Variants in MTUS1 observed in about 807,000 individuals in gnomAD.
MTUS1 encodes microtubule associated scaffold protein 1.
Under a neutral mutation model 120.8 loss-of-function variants are expected in MTUS1, and 109 were observed. The ratio of observed to expected loss-of-function variants is 0.90; its 90% confidence interval spans 0.77 to 1.06. The LOEUF (loss-of-function observed/expected upper bound fraction) is 1.06, where lower values mean the gene tolerates loss of function less well. MTUS1 is among the 50% of genes least tolerant of loss of function. The probability of loss-of-function intolerance (pLI) is 0.00; values close to 1 mark genes in which losing one functional copy is unlikely to be tolerated. For missense variants in MTUS1, 2,210 were observed against 1,486.3 expected, an observed-to-expected ratio of 1.49 and a Z score of -8.01; for synonymous variants, 737 against 550.5, an observed-to-expected ratio of 1.34 and a Z score of -4.74.
chr8:17,714,589 T>C (rs1821948817), intron 5 of MTUS1, among the ~76,000 whole-genome samples: 1 of 152,136 alleles, frequency 6.6e-6, no homozygotes, highest in African/African-American at 2.4e-5. Context: ...AGAATAGCCA[T>C]TTAAAGTGAA....
At chr8:17,689,082 C>A (rs556989174) in intron 6 of MTUS1, among the ~76,000 whole-genome samples, 2 of 152,150 alleles carry the variant, frequency 1.3e-5, no homozygotes, top group South Asian at 4.1e-4. Flanking sequence ...GTGGTGGCAC[C>A]TGCCTGTACT....
intron 1 of MTUS1, among the ~76,000 whole-genome samples, chr8:17,790,812 C>G (rs1488635788): frequency 2.6e-5 from 4 of 152,126 alleles, no homozygotes; most frequent in Admixed American, 2.6e-4. Flanking sequence ...CATGGTGAAA[C>G]TCCATCTCTA....
At chr8:17,658,567 G>A (rs534112221) in intron 8 of MTUS1, among the ~76,000 whole-genome samples, 1 of 152,298 alleles carries the variant, frequency 6.6e-6, no homozygotes, top group South Asian at 2.1e-4. Context: ...TACACATGCT[G>A]TCCACATCCC....
At chr8:17,767,554 C>G (rs770642334) in intron 1 of MTUS1, among the ~76,000 whole-genome samples, 15 of 151,106 alleles carry the variant, frequency 9.9e-5, no homozygotes, top group East Asian at 5.9e-4. Flanking sequence ...AAAAATCAAC[C>G]AGGCATGGGG....
Position 17,719,381 on chromosome 8 carries a change from T to C in MTUS1, c.2450-3480A>G, listed in dbSNP as rs552279798. On this transcript the variant is annotated intron_variant, in intron 4 of 14. Coordinates refer to ENST00000693296, the MANE Select transcript of MTUS1 (RefSeq NM_001363059.2). ...CTGCCCACTTGGCTTAAAATCAAAG[T>C]ACTACTGAAATCTAAACTTTTGAAT... Among the ~76,000 whole-genome samples, 4 of 152,332 alleles carry C rather than the reference T, an allele frequency of 2.6e-5. No individual in the cohort carries two copies. In the South Asian group the frequency reaches 6.2e-4, roughly 24 times the overall value.
At chr8:17,672,171 T>G (rs750965473) in intron 8 of MTUS1, among the ~76,000 whole-genome samples, 4 of 152,184 alleles carry the variant, frequency 2.6e-5, no homozygotes, top group African/African-American at 4.8e-5. Flanking sequence ...TGATTATTCC[T>G]TTCTGTAGCA....
At position 17,644,656 on chromosome 8, in the gene MTUS1, A is replaced by G. The variant is rs1428511835; in HGVS notation, c.*1270T>C. ...ACTGAAAAATGAGCGCTATCCTCCC[A>G]GACTGTTTTCTTCTATCAAGTACTG... On this transcript the variant is annotated 3_prime_UTR_variant, in exon 15 of 15. Transcript: ENST00000693296. 6.6e-6 allele frequency: 1 copy of G among 152,244 alleles called. No individual in the cohort carries two copies. The highest frequency in any genetic ancestry group is 2.1e-4 in the South Asian group (1 of 4,830). The allele number at this position is 152,244 out of a possible 1,614,324, so 9.4% of individuals were successfully genotyped here. A position where few individuals can be genotyped will look rare whatever the true frequency, so the allele number is the denominator to read the frequency against.
chr8:17,647,444 G>A lies in MTUS1; in HGVS notation c.3502-365C>T, dbSNP rs76186783. Among the ~76,000 whole-genome samples, 1,327 of 149,932 alleles carry A rather than the reference G, an allele frequency of 8.9e-3. 23 individuals carry two copies. The East Asian group carries it at 0.099, about 11-fold the overall frequency. ...TATCAAAGCTTATCTATCTCCTTAC[G>A]GTGAATTTTGCTGGAAAAAAAAAAA... On this transcript the variant is annotated intron_variant, in intron 13 of 14. Transcript: ENST00000693296.
chr8:17,713,922 C>T (rs1467668925), intron 5 of MTUS1, among the ~76,000 whole-genome samples: 1 of 152,202 alleles, frequency 6.6e-6, no homozygotes, highest in African/African-American at 2.4e-5. Flanking sequence ...CTGATTCCCA[C>T]ACAGGTAAAA....
intron 1 of MTUS1, among the ~76,000 whole-genome samples, chr8:17,780,135 T>C (rs2050760323): frequency 1.3e-5 from 2 of 151,974 alleles, no homozygotes; most frequent in Admixed American, 1.3e-4. Flanking sequence ...GTTGAAACTG[T>C]GTGGCAGCGG....
intron 6 of MTUS1, among the ~76,000 whole-genome samples, chr8:17,696,626 A>C (rs1456518345): frequency 6.6e-6 from 1 of 152,190 alleles, no homozygotes; most frequent in Non-Finnish European, 1.5e-5. Flanking sequence ...ATATATACTA[A>C]ATTTATTTTC....
intron 2 of MTUS1, among the ~76,000 whole-genome samples, chr8:17,747,832 G>A (rs547784760): frequency 6.6e-6 from 1 of 152,244 alleles, no homozygotes; most frequent in East Asian, 1.9e-4. Flanking sequence ...GTTCCACGTG[G>A]CTGGGGAAGC....
intron 5 of MTUS1, among the ~76,000 whole-genome samples, chr8:17,713,795 G>T (rs1007991692): frequency 5.3e-5 from 8 of 152,284 alleles, no homozygotes; most frequent in African/African-American, 1.9e-4. Flanking sequence ...ACATGAAATA[G>T]TTGTTTCTAG....
At chr8:17,772,814 C>CA (rs2050116786) in intron 1 of MTUS1, among the ~76,000 whole-genome samples, 1 of 151,768 alleles carries the variant, frequency 6.6e-6, no homozygotes, top group Non-Finnish European at 1.5e-5. Flanking sequence ...TAATTCAGCA[C>CA]CAAAAAAACA....
At chr8:17,655,668 G>T (rs1048249536) in intron 9 of MTUS1, among the ~76,000 whole-genome samples, 195 bp downstream of exon 9, 1 of 152,134 alleles carries the variant, frequency 6.6e-6, no homozygotes, top group Non-Finnish European at 1.5e-5. Flanking sequence ...AGGCTGCAGT[G>T]AGCCAAGATC....
intron 1 of MTUS1, among the ~76,000 whole-genome samples, chr8:17,771,965 A>G (rs1222169501): frequency 2.6e-5 from 4 of 152,230 alleles, no homozygotes; most frequent in Non-Finnish European, 5.9e-5. Context: ...TCACTGGTCC[A>G]TTTACATTAA....
At chr8:17,685,850 A>C (rs1378210876) in intron 6 of MTUS1, among the ~76,000 whole-genome samples, 1 of 152,176 alleles carries the variant, frequency 6.6e-6, no homozygotes, top group African/African-American at 2.4e-5. Context: ...TTTATCCATT[A>C]CTCTTTATTA....
intron 1 of MTUS1, among the ~76,000 whole-genome samples, chr8:17,771,016 T>TA (rs1408035006): frequency 3.9e-5 from 6 of 152,188 alleles, no homozygotes; most frequent in Admixed American, 3.9e-4. Flanking sequence ...GGTAAGATGT[T>TA]AAGTATGCAT....
chr8:17,790,838 T>G (rs992167813), intron 1 of MTUS1, among the ~76,000 whole-genome samples: 1 of 151,940 alleles, frequency 6.6e-6, no homozygotes, highest in Non-Finnish European at 1.5e-5. Context: ...AATACAAAAA[T>G]TAGCCGGGCA....
Sources: gnomAD v4.1 joint callset for allele counts (sites outside exome capture counted in the v4.1 genomes callset) on GRCh38, gnomAD v4.1.1 for gene constraint, MANE v1.5 for transcripts, NCBI Gene and HGNC (gene_info 2026-07-23, HGNC 2026-07-21) for gene names.